CNTNAP2: variants seen among roughly 807,000 people sequenced by gnomAD.
The protein encoded by CNTNAP2 is contactin-associated protein-like 2.
In CNTNAP2, 98 loss-of-function variants were observed where a neutral mutation model predicts 155.2. That is an observed-to-expected ratio of 0.63 (90% CI 0.54 to 0.75). The LOEUF is 0.75. Among genes scored for constraint, CNTNAP2 ranks in the 30% least tolerant of loss-of-function variants. CNTNAP2 has a pLI of 0.00. For missense variants in CNTNAP2, 1,727 were observed against 1,688.1 expected (o/e 1.02, Z -0.40); for synonymous variants, 651 against 631.2 (o/e 1.03, Z -0.47).
chr7:146,922,483 A>T (rs1490194700), intron 3 of CNTNAP2, among the ~76,000 whole-genome samples: 3 of 152,150 alleles, frequency 2.0e-5, no homozygotes, highest in Non-Finnish European at 4.4e-5. Flanking sequence ...GTATCAATAT[A>T]TATGGTTGTT....
intron 1 of CNTNAP2, among the ~76,000 whole-genome samples, chr7:146,555,321 G>T (rs142169078): frequency 1.3e-5 from 2 of 152,264 alleles, no homozygotes; most frequent in African/African-American, 2.4e-5. Flanking sequence ...ATTAAGTCAT[G>T]CATTAGACTA....
chr7:147,963,916 T>C (rs1801159699), intron 14 of CNTNAP2, among the ~76,000 whole-genome samples: 1 of 152,114 alleles, frequency 6.6e-6, no homozygotes, highest in African/African-American at 2.4e-5. Flanking sequence ...AGAATTAATA[T>C]TTTCTAAAAC....
At chr7:147,839,990 C>G (rs183413620) in intron 13 of CNTNAP2, among the ~76,000 whole-genome samples, 4 of 151,470 alleles carry the variant, frequency 2.6e-5, no homozygotes, top group African/African-American at 7.3e-5. Flanking sequence ...CAGCCATAAA[C>G]AAGAATGAAA....
At chr7:146,602,360 C>T (rs529773343) in intron 1 of CNTNAP2, among the ~76,000 whole-genome samples, 4 of 152,088 alleles carry the variant, frequency 2.6e-5, no homozygotes, top group Non-Finnish European at 4.4e-5. Context: ...ATTAGGTGAT[C>T]AACAGCATCT....
chr7:147,710,208 T>C (rs1388554331), intron 13 of CNTNAP2, among the ~76,000 whole-genome samples: 3 of 152,210 alleles, frequency 2.0e-5, no homozygotes, highest in Admixed American at 2.0e-4. Flanking sequence ...TTTATTGGTA[T>C]CATAATGTTG....
At chr7:148,215,513 CT>C (rs11351735) in intron 18 of CNTNAP2, among the ~76,000 whole-genome samples, 75,674 of 143,536 alleles carry the variant, frequency 0.53, 19,750 homozygotes, top group East Asian at 0.73. Context: ...TCAGGGCTTT[CT>C]TTTTTTTTTT....
chr7:147,536,746 A>G (rs1159009739), intron 11 of CNTNAP2, among the ~76,000 whole-genome samples: 1 of 152,166 alleles, frequency 6.6e-6, no homozygotes, highest in Non-Finnish European at 1.5e-5. Flanking sequence ...CTCTGCCATC[A>G]GACTAAAATT....
At chr7:147,997,580 CAA>C (rs1345306481) in intron 15 of CNTNAP2, among the ~76,000 whole-genome samples, 1 of 150,376 alleles carries the variant, frequency 6.6e-6, no homozygotes, top group Non-Finnish European at 1.5e-5. Flanking sequence ...AAAATTTAAA[CAA>C]GAGACGCACA....
chr7:147,930,461 AC>A (rs1450367642), intron 14 of CNTNAP2, among the ~76,000 whole-genome samples: 3 of 152,194 alleles, frequency 2.0e-5, no homozygotes, highest in Non-Finnish European at 4.4e-5. Context: ...TAAGTCAAAA[AC>A]TGTCATAAGA....
Position 146,590,209 on chromosome 7 carries a change from T to G in CNTNAP2, c.98-184062T>G, listed in dbSNP as rs567854859. 1.1e-3 allele frequency among the ~76,000 whole-genome samples: 160 copies of G among 152,336 alleles called. 5 individuals carry two copies. In the South Asian group the frequency reaches 0.032, roughly 31 times the overall value. ...CACAAGTTGTTTCTTCTACAAGGAA[T>G]GCGGAATGCTTCCCACTTTATGCAG... On this transcript the variant is annotated intron_variant, in intron 1 of 23. Coordinates refer to ENST00000361727, the MANE Select transcript of CNTNAP2 (RefSeq NM_014141.6).
At chr7:146,281,195 G>C (rs939311469) in intron 1 of CNTNAP2, among the ~76,000 whole-genome samples, 5 of 152,078 alleles carry the variant, frequency 3.3e-5, no homozygotes, top group Non-Finnish European at 5.9e-5. Flanking sequence ...GTTAAAACGA[G>C]TACATTCCAA....
intron 2 of CNTNAP2, among the ~76,000 whole-genome samples, chr7:146,817,930 A>G (rs10250489): frequency 0.019 from 2,849 of 152,298 alleles, 79 homozygotes; most frequent in African/African-American, 0.066. Context: ...AGCCAACTAG[A>G]AATTTGTTAA....
At chr7:146,498,225 A>C (rs1039604561) in intron 1 of CNTNAP2, among the ~76,000 whole-genome samples, 6 of 152,164 alleles carry the variant, frequency 3.9e-5, no homozygotes, top group Non-Finnish European at 7.4e-5. Flanking sequence ...CTGAGGAGGA[A>C]TTATAGCATG....
intron 12 of CNTNAP2, among the ~76,000 whole-genome samples, chr7:147,582,439 A>G (rs1044931082): frequency 1.3e-5 from 2 of 152,148 alleles, no homozygotes; most frequent in African/African-American, 4.8e-5. Context: ...AGTGTTATTT[A>G]TTAAATCAAA....
chr7:147,294,210 C>T (rs182253705), intron 8 of CNTNAP2, among the ~76,000 whole-genome samples: 1 of 152,246 alleles, frequency 6.6e-6, no homozygotes, highest in East Asian at 1.9e-4. Flanking sequence ...TATATTTTTA[C>T]TAACTTGCAC....
intron 15 of CNTNAP2, among the ~76,000 whole-genome samples, chr7:148,016,017 A>G (rs1802171404): frequency 6.6e-6 from 1 of 152,200 alleles, no homozygotes; most frequent in African/African-American, 2.4e-5. Flanking sequence ...TTACAACTAC[A>G]TTTACAAGAA....
intron 10 of CNTNAP2, among the ~76,000 whole-genome samples, chr7:147,426,315 C>T (rs1198791220): frequency 1.3e-5 from 2 of 152,048 alleles, no homozygotes; most frequent in South Asian, 4.1e-4. Flanking sequence ...CTTCAAGTCA[C>T]AGACCAACTA....
At chr7:146,571,672 G>A (rs1301821415) in intron 1 of CNTNAP2, among the ~76,000 whole-genome samples, 1 of 151,660 alleles carries the variant, frequency 6.6e-6, no homozygotes, top group East Asian at 1.9e-4. Context: ...TCTACATCGA[G>A]TTCTGCAGGC....
intron 3 of CNTNAP2, among the ~76,000 whole-genome samples, chr7:146,955,098 G>A (rs1797405542): frequency 6.6e-6 from 1 of 151,810 alleles, no homozygotes; most frequent in Admixed American, 6.6e-5. Flanking sequence ...TTTTTGCCCT[G>A]ACAAAATATA....
Sources: gnomAD v4.1 joint callset for allele counts (sites outside exome capture counted in the v4.1 genomes callset) on GRCh38, gnomAD v4.1.1 for gene constraint, MANE v1.5 for transcripts, NCBI Gene and HGNC (gene_info 2026-07-23, HGNC 2026-07-21) for gene names.